The following CADM2 variants were observed in gnomAD, a reference collection of about 807,000 sequenced individuals.
The protein encoded by CADM2 is cell adhesion molecule 2.
In CADM2, 12 loss-of-function variants were observed where a neutral mutation model predicts 49.8. That is an observed-to-expected ratio of 0.24 (90% CI 0.15 to 0.39). The LOEUF (loss-of-function observed/expected upper bound fraction) is 0.39, where lower values mean the gene tolerates loss of function less well. CADM2 is among the 10% of genes least tolerant of loss of function. The pLI is 1.00. For synonymous variants in CADM2, 214 were observed against 175.4 expected (o/e 1.22, Z -1.74); for missense variants, 378 against 492.3 (o/e 0.77, Z 2.20).
intron 1 of CADM2, among the ~76,000 whole-genome samples, chr3:85,160,656 C>A (rs1356306726): frequency 6.6e-6 from 1 of 152,122 alleles, no homozygotes; most frequent in Non-Finnish European, 1.5e-5. Flanking sequence ...AATTTAAAAA[C>A]ATTACTTCAA....
chr3:85,347,652 T>TATA (rs56135124), intron 1 of CADM2, among the ~76,000 whole-genome samples: 1 of 58,646 alleles, frequency 1.7e-5, no homozygotes, highest in Admixed American at 2.1e-4. Context: ...TATATATATA[T>TATA]TTTTTTTAAG....
intron 1 of CADM2, among the ~76,000 whole-genome samples, chr3:85,572,861 C>A (rs2062519548): frequency 6.6e-6 from 1 of 152,126 alleles, no homozygotes; most frequent in African/African-American, 2.4e-5. Context: ...CCAGGTAGTC[C>A]ACTCAGACTT....
intron 1 of CADM2, among the ~76,000 whole-genome samples, chr3:85,423,902 TCAGA>T (rs2036283589): frequency 6.6e-6 from 1 of 152,202 alleles, no homozygotes; most frequent in East Asian, 1.9e-4. Context: ...GTCTTCCCTA[TCAGA>T]TTCAACTTTT....
intron 6 of CADM2, among the ~76,000 whole-genome samples, chr3:85,918,639 G>A (rs1255278381): frequency 1.3e-5 from 2 of 152,026 alleles, no homozygotes; most frequent in Non-Finnish European, 2.9e-5. Context: ...TCTCTGCCAG[G>A]CAGAAAGAGA....
intron 1 of CADM2, among the ~76,000 whole-genome samples, chr3:85,184,163 A>G (rs958949694): frequency 2.6e-5 from 4 of 152,116 alleles, no homozygotes; most frequent in African/African-American, 9.7e-5. Context: ...GGAAGTTGAC[A>G]AAGATAATAA....
intron 1 of CADM2, among the ~76,000 whole-genome samples, chr3:85,286,646 T>G (rs1192136836): frequency 6.6e-6 from 1 of 152,152 alleles, no homozygotes; most frequent in Non-Finnish European, 1.5e-5. Flanking sequence ...GACCCAAACA[T>G]TGCTGTTTTT....
At chr3:85,470,155 C>T (rs960986) in intron 1 of CADM2, among the ~76,000 whole-genome samples, 46,291 of 152,042 alleles carry the variant, frequency 0.3, 8,032 homozygotes, top group East Asian at 0.53. Context: ...AAAAATGATA[C>T]AATTATTATC....
chr3:85,275,699 TA>T (rs2043341774), intron 1 of CADM2, among the ~76,000 whole-genome samples: 1 of 151,318 alleles, frequency 6.6e-6, no homozygotes, highest in South Asian at 2.1e-4. Context: ...ATGTATTTGC[TA>T]AGTGATTTCT....
chr3:85,683,370 C>T, intron 1 of CADM2, among the ~76,000 whole-genome samples: 1 of 152,164 alleles, frequency 6.6e-6, no homozygotes, highest in African/African-American at 2.4e-5. Context: ...GTATGATGCT[C>T]TCCCTGTCTT....
intron 6 of CADM2, among the ~76,000 whole-genome samples, chr3:85,921,097 A>G (rs1190963359): frequency 6.6e-6 from 1 of 151,952 alleles, no homozygotes; most frequent in East Asian, 1.9e-4. Context: ...TAAAAACTGG[A>G]TAAAAATGAG....
intron 1 of CADM2, among the ~76,000 whole-genome samples, chr3:85,404,378 T>TA (rs1331329949): frequency 2.6e-5 from 4 of 151,816 alleles, no homozygotes; most frequent in African/African-American, 9.7e-5. Flanking sequence ...ATTTTCCGCA[T>TA]AAAAAATAGT....
chr3:85,457,387 C>T (rs936413663), intron 1 of CADM2, among the ~76,000 whole-genome samples: 5 of 150,776 alleles, frequency 3.3e-5, no homozygotes, highest in Admixed American at 2.0e-4. Context: ...CACTCCAGCC[C>T]GGGTGACACA....
intron 1 of CADM2, among the ~76,000 whole-genome samples, chr3:85,431,115 G>T (rs1428749329): frequency 6.6e-6 from 1 of 152,024 alleles, no homozygotes; most frequent in African/African-American, 2.4e-5. Context: ...TTACTGTTGT[G>T]TTACACTTGC....
intron 7 of CADM2, among the ~76,000 whole-genome samples, chr3:85,955,395 A>G (rs528526937): frequency 6.6e-6 from 1 of 151,592 alleles, no homozygotes; most frequent in East Asian, 2.0e-4. Flanking sequence ...CACACCAGGA[A>G]GATTCTTTTC....
At chr3:85,502,161 T>C (rs1278293262) in intron 1 of CADM2, among the ~76,000 whole-genome samples, 1 of 152,134 alleles carries the variant, frequency 6.6e-6, no homozygotes, top group African/African-American at 2.4e-5. Context: ...AATTGAAATA[T>C]TACTGAGATG....
intron 1 of CADM2, among the ~76,000 whole-genome samples, chr3:85,149,713 C>T (rs566241213): frequency 4.8e-4 from 73 of 152,232 alleles, no homozygotes; most frequent in Non-Finnish European, 8.7e-4. Flanking sequence ...GGCAACAGAG[C>T]GAGACTCCGT....
chr3:85,542,213 C>T (rs17457642), intron 1 of CADM2, among the ~76,000 whole-genome samples: 77,838 of 151,816 alleles, frequency 0.51, 23,034 homozygotes, highest in East Asian at 0.85. Context: ...TCATAAAGGC[C>T]AGCTCTCTCG....
chr3:85,179,371 TATA>T (rs2040866040), intron 1 of CADM2, among the ~76,000 whole-genome samples: 1 of 152,048 alleles, frequency 6.6e-6, no homozygotes, highest in Non-Finnish European at 1.5e-5. Context: ...TGTGACTTCT[TATA>T]ATGTGCATGA....
intron 2 of CADM2, among the ~76,000 whole-genome samples, chr3:85,741,904 G>T (rs142085137): frequency 6.6e-4 from 101 of 152,204 alleles, no homozygotes; most frequent in African/African-American, 2.3e-3. Context: ...TGAATTATAA[G>T]GAATCATGCA....
Sources: allele counts gnomAD v4.1 joint callset (sites outside exome capture counted in the v4.1 genomes callset), GRCh38; gene constraint gnomAD v4.1.1; transcripts MANE v1.5; gene names NCBI Gene and HGNC (gene_info 2026-07-23, HGNC 2026-07-21).